Variants in MBP observed in about 807,000 individuals in gnomAD.
MBP encodes Golli-MBP.
In MBP, 16 loss-of-function variants were observed where a neutral mutation model predicts 35.8. That is an observed-to-expected ratio of 0.45 (90% CI 0.30 to 0.68). The LOEUF is 0.68. Among genes scored for constraint, MBP ranks in the 30% least tolerant of loss-of-function variants. The pLI, the probability that MBP is intolerant of heterozygous loss-of-function variation, is 0.08. For synonymous variants in MBP, 143 were observed against 159.6 expected, an observed-to-expected ratio of 0.90 and a Z score of 0.78; for missense variants, 380 against 404.7, an observed-to-expected ratio of 0.94 and a Z score of 0.52.
chr18:77,058,946 A>T (rs1018945959), intron 3 of MBP, among the ~76,000 whole-genome samples: 6 of 152,190 alleles, frequency 3.9e-5, no homozygotes, highest in Admixed American at 2.6e-4. Flanking sequence ...CCTGAGGGCC[A>T]CCACATCCAG....
In MBP at chr18:77,087,079, G is replaced by GAA. The variant is rs1043893122; in HGVS notation, c.51+18130_51+18131dup. Among the ~76,000 whole-genome samples, 7 of 148,828 alleles carry GAA rather than the reference G, an allele frequency of 4.7e-5. No homozygotes were observed. The South Asian group carries it at 1.5e-3, about 31-fold the overall frequency. On this transcript the variant is annotated intron_variant, in intron 2 of 8. Coordinates refer to ENST00000355994, the MANE Select transcript of MBP (RefSeq NM_001025101.2). ...CTACAGCCCCTTTATTAATTCCATA[G>GAA]AAAAAAAAAACAACAACAACGAAGA...
intron 2 of MBP, among the ~76,000 whole-genome samples, chr18:77,094,301 T>TA (rs1439185388): frequency 2.0e-5 from 3 of 152,178 alleles, no homozygotes; most frequent in Non-Finnish European, 4.4e-5. Context: ...AGGATGCCTT[T>TA]TCTATATTAT....
At chr18:77,100,175 G>A (rs1975941161) in intron 2 of MBP, among the ~76,000 whole-genome samples, 2 of 152,326 alleles carry the variant, frequency 1.3e-5, no homozygotes, top group Middle Eastern at 3.4e-3. Flanking sequence ...CTGGAGTAGG[G>A]TGGCCCTGAG....
chr18:77,068,110 C>T (rs1974278760), intron 2 of MBP, among the ~76,000 whole-genome samples: 1 of 152,012 alleles, frequency 6.6e-6, no homozygotes, highest in South Asian at 2.1e-4. Flanking sequence ...CCCCACCAAC[C>T]AATGTTTACG....
At position 77,066,282 on chromosome 18, in the gene MBP, T is replaced by C. The variant is rs774875234; in HGVS notation, c.139+16A>G. On this transcript the variant is annotated intron_variant, in intron 3 of 8. Coordinates refer to ENST00000355994, the MANE Select transcript of MBP (RefSeq NM_001025101.2). ...TCACCATGTGGCGCCATGTTGCCGA[T>C]ATCTGCGTCACCTACCGAACACTTC... 2.5e-6 allele frequency: 4 copies of C among 1,603,324 alleles called. No individual in the cohort carries two copies. Among genetic ancestry groups the C allele is most frequent in the Admixed American group, 3.4e-5 (2 of 59,132 alleles).
intron 3 of MBP, among the ~76,000 whole-genome samples, chr18:77,025,118 G>A (rs1055533914): frequency 6.6e-6 from 1 of 152,168 alleles, no homozygotes; most frequent in Non-Finnish European, 1.5e-5. Flanking sequence ...GGGATTGATG[G>A]AGGAGCTGCC....
intron 3 of MBP, among the ~76,000 whole-genome samples, chr18:77,035,665 G>A (rs573764170): frequency 6.6e-6 from 1 of 152,246 alleles, no homozygotes; most frequent in Non-Finnish European, 1.5e-5. Flanking sequence ...GGTGAAGGGG[G>A]GGGGACCATG....
chr18:77,079,435 C>T (rs1423487292), intron 2 of MBP, among the ~76,000 whole-genome samples: 8 of 152,186 alleles, frequency 5.3e-5, no homozygotes, highest in African/African-American at 1.7e-4. Flanking sequence ...CCAGGACATA[C>T]AATGTTTAGG....
intron 3 of MBP, among the ~76,000 whole-genome samples, chr18:77,049,739 G>T (rs1973406710): frequency 6.6e-6 from 1 of 151,896 alleles, no homozygotes; most frequent in African/African-American, 2.4e-5. Context: ...GGAGTGTGTG[G>T]TGCAATCTCA....
Position 77,044,506 on chromosome 18 carries a change from T to A in MBP, c.139+21792A>T, listed in dbSNP as rs1035138826. On this transcript the variant is annotated intron_variant, in intron 3 of 8. Coordinates refer to ENST00000355994, the MANE Select transcript of MBP (RefSeq NM_001025101.2). This position sits in a 1 kb window ranked among gnomAD's most constrained non-coding sequence, Gnocchi z 4.4. ...GCCACTCTCCCTGTACAGGCCTTCC[T>A]GACCCCTCGTCCCTGGAAAGCCCTC... 6.6e-6 allele frequency among the ~76,000 whole-genome samples: 1 copy of A among 152,134 alleles called. No homozygotes were observed. Among genetic ancestry groups the A allele is most frequent in the Admixed American group, 6.5e-5 (1 of 15,280 alleles).
intron 2 of MBP, among the ~76,000 whole-genome samples, chr18:77,075,664 C>T (rs552362542): frequency 6.6e-6 from 1 of 152,294 alleles, no homozygotes; most frequent in South Asian, 2.1e-4. Flanking sequence ...TGAAGACCCG[C>T]GTGAACTCAT....
intron 3 of MBP, among the ~76,000 whole-genome samples, chr18:77,058,303 G>T (rs1322809644): frequency 6.6e-6 from 1 of 152,172 alleles, no homozygotes; most frequent in Admixed American, 6.5e-5. Context: ...CTCCGCTCTG[G>T]CTTCGACTCT....
intron 4 of MBP, among the ~76,000 whole-genome samples, chr18:76,999,974 A>G (rs1421841718): frequency 2.0e-5 from 3 of 152,152 alleles, no homozygotes; most frequent in African/African-American, 7.2e-5. Context: ...ATAAAAGAAG[A>G]AATGGACACA....
chr18:77,094,883 G>A (rs539208127), intron 2 of MBP, among the ~76,000 whole-genome samples: 11 of 152,282 alleles, frequency 7.2e-5, no homozygotes, highest in Admixed American at 3.9e-4. Flanking sequence ...GTCTCGTTTC[G>A]TGTGCTGTGG....
intron 4 of MBP, among the ~76,000 whole-genome samples, chr18:76,995,268 A>C (rs566201942): frequency 6.6e-6 from 1 of 152,352 alleles, no homozygotes; most frequent in East Asian, 1.9e-4. Flanking sequence ...CTTTCCCCAA[A>C]TCGATCTACA....
chr18:77,030,362 C>T (rs1004445408), intron 3 of MBP, among the ~76,000 whole-genome samples: 2 of 152,278 alleles, frequency 1.3e-5, no homozygotes, highest in East Asian at 3.9e-4. Flanking sequence ...AACAGGGCAG[C>T]CACTTCTGAG....
intron 2 of MBP, among the ~76,000 whole-genome samples, chr18:77,070,822 G>A (rs1257912335): frequency 1.3e-5 from 2 of 152,116 alleles, no homozygotes; most frequent in Non-Finnish European, 2.9e-5. Flanking sequence ...GCAAAGGATG[G>A]CATGGAGTCA....
At chr18:77,025,450 C>T (rs1035822311) in intron 3 of MBP, among the ~76,000 whole-genome samples, 5 of 152,112 alleles carry the variant, frequency 3.3e-5, no homozygotes, top group African/African-American at 7.2e-5. Context: ...ACCTGGACAT[C>T]GATACGTTAA....
In MBP at chr18:76,979,021, ACT is replaced by A. The variant is rs1310131423; in HGVS notation, c.*1404_*1405del. 6.6e-6 allele frequency: 1 copy of A among 151,826 alleles called. No homozygotes were observed. The highest frequency in any genetic ancestry group is 2.4e-5 in the African/African-American group (1 of 41,306). 9.4% of individuals were successfully genotyped at this position (151,826 alleles called of 1,614,324 possible). A position where few individuals can be genotyped will look rare whatever the true frequency, so the allele number is the denominator to read the frequency against. On this transcript the variant is annotated 3_prime_UTR_variant, in exon 9 of 9. Coordinates refer to ENST00000355994, the MANE Select transcript of MBP (RefSeq NM_001025101.2). ...TGTGTCTGGAGTTTTGTTCTTTGTAACTCTCTCATCATCGAGGCTATATATTA... is the reference window on the plus strand; with the variant it reads ...TGTGTCTGGAGTTTTGTTCTTTGTAACTCTCATCATCGAGGCTATATATTA...
Sources: gnomAD v4.1 joint callset for allele counts (sites outside exome capture counted in the v4.1 genomes callset) on GRCh38, gnomAD v4.1.1 for gene constraint, Gnocchi (gnomAD v3.1) non-coding constraint, MANE v1.5 for transcripts, NCBI Gene and HGNC (gene_info 2026-07-23, HGNC 2026-07-21) for gene names.